FRAS1: variants seen among roughly 807,000 people sequenced by gnomAD.
The protein encoded by FRAS1 is extracellular matrix organizing protein FRAS1.
In FRAS1, 290 loss-of-function variants were observed where a neutral mutation model predicts 435.2. That is an observed-to-expected ratio of 0.67 (90% CI 0.61 to 0.73). The LOEUF (loss-of-function observed/expected upper bound fraction) is 0.73. Among genes scored for constraint, FRAS1 ranks in the 30% least tolerant of loss-of-function variants. FRAS1 has a pLI of 0.00. For missense variants in FRAS1, 4,860 were observed against 5,001.5 expected, an observed-to-expected ratio of 0.97 and a Z score of 0.85; for synonymous variants, 1,800 against 1,851.0, an observed-to-expected ratio of 0.97 and a Z score of 0.71.
At chr4:78,451,161 G>T (rs1050053492) in intron 45 of FRAS1, among the ~76,000 whole-genome samples, 2 of 152,130 alleles carry the variant, frequency 1.3e-5, no homozygotes, top group Non-Finnish European at 2.9e-5. Context: ...TCTTCCCAGA[G>T]ATTTGGTTAT....
chr4:78,381,263 T>A lies in FRAS1; in HGVS notation c.3563+1267T>A, dbSNP rs182153496. On this transcript the variant is annotated intron_variant, in intron 27 of 73. Coordinates refer to ENST00000512123, the MANE Select transcript of FRAS1 (RefSeq NM_025074.7). ...TCTGGTGTTTGATGCCATAGACTCT[T>A]CAAATTCCTACTCTATATTCTGCAT... is the stretch of plus-strand genomic sequence containing the variant. 1.8e-3 allele frequency among the ~76,000 whole-genome samples: 272 copies of A among 152,326 alleles called. 2 individuals carry two copies. The highest frequency in any genetic ancestry group is 6.2e-3 in the African/African-American group (256 of 41,572).
At chr4:78,135,021 G>C (rs1578146104) in intron 2 of FRAS1, among the ~76,000 whole-genome samples, 3 of 151,972 alleles carry the variant, frequency 2.0e-5, no homozygotes, top group Admixed American at 6.6e-5. Flanking sequence ...ATGCTGGTAG[G>C]GTTTAATTGT....
chr4:78,408,998 GCGGGAGGATCACT>G (rs1733212487), intron 31 of FRAS1, among the ~76,000 whole-genome samples: 2 of 147,826 alleles, frequency 1.4e-5, no homozygotes, highest in East Asian at 2.0e-4. Context: ...TGGCAGCTAG[GCGGGAGGATCACT>G]TGAGCCTGGG....
intron 2 of FRAS1, among the ~76,000 whole-genome samples, chr4:78,110,332 A>G (rs1316430212): frequency 7.8e-6 from 1 of 127,566 alleles, no homozygotes; most frequent in East Asian, 2.1e-4. Context: ...GAGGCATCAC[A>G]CTACCTGAGT....
chr4:78,158,999 G>C (rs1212808528), intron 2 of FRAS1, among the ~76,000 whole-genome samples: 1 of 152,148 alleles, frequency 6.6e-6, no homozygotes, highest in Non-Finnish European at 1.5e-5. Context: ...GACAGTAGCA[G>C]GAAATCTTTG....
intron 2 of FRAS1, among the ~76,000 whole-genome samples, chr4:78,069,489 C>A (rs534457504): frequency 1.3e-5 from 2 of 152,278 alleles, no homozygotes; most frequent in East Asian, 3.9e-4. Flanking sequence ...ATGGCCCTGG[C>A]GGTCAGACAC....
chr4:78,517,088 A>T (rs143555132), intron 66 of FRAS1, among the ~76,000 whole-genome samples: 1 of 152,340 alleles, frequency 6.6e-6, no homozygotes, highest in East Asian at 1.9e-4. Context: ...AACTAGTTAG[A>T]TGTTTGTTCT....
chr4:78,471,850 C>A (rs963820956), intron 51 of FRAS1, among the ~76,000 whole-genome samples: 4 of 152,218 alleles, frequency 2.6e-5, no homozygotes, highest in Non-Finnish European at 4.4e-5. Context: ...TGCCTCCAAT[C>A]CATCCTCCTT....
chr4:78,113,684 T>C (rs1249570695), intron 2 of FRAS1, among the ~76,000 whole-genome samples: 3 of 152,222 alleles, frequency 2.0e-5, no homozygotes, highest in Non-Finnish European at 2.9e-5. Flanking sequence ...TGTTTGTTTT[T>C]TTCTTGTAAA....
rs769809389 is a variant in FRAS1, at chr4:78,507,555, A to G, written c.9451A>G (p.Thr3151Ala). 18 of 1,611,018 alleles carry G rather than the reference A, an allele frequency of 1.1e-5. No homozygotes were observed. The South Asian group carries it at 1.9e-4, about 17-fold the overall frequency. The change falls in exon 62 of 74, where the codon ACA (threonine) becomes GCA (alanine). Residue 3151 changes from threonine to alanine, a missense_variant. Physicochemically the swap from Thr to Ala is moderately conservative, Grantham distance 58. Coordinates refer to ENST00000512123, the MANE Select transcript of FRAS1 (RefSeq NM_025074.7). ...TGGGGATGTGACTACTGCCACGGTG[A>G]CAATTCTAGACCAGGAGGCAGCAGG... Reference protein sequence around the residue: ...VLGDVTTATVTILDQEAAGSL... With the variant: ...VLGDVTTATVAILDQEAAGSL...
intron 26 of FRAS1, among the ~76,000 whole-genome samples, chr4:78,377,013 G>A (rs1731792526): frequency 6.6e-6 from 1 of 151,762 alleles, no homozygotes; most frequent in African/African-American, 2.4e-5. Flanking sequence ...AATAATAATA[G>A]GTAACATGTT....
At chr4:78,419,944 T>A (rs999589480) in intron 33 of FRAS1, among the ~76,000 whole-genome samples, 9 of 152,102 alleles carry the variant, frequency 5.9e-5, no homozygotes, top group African/African-American at 1.7e-4. Flanking sequence ...AGGGGGATGG[T>A]GTTAAACCAT....
intron 32 of FRAS1, among the ~76,000 whole-genome samples, chr4:78,417,184 T>C (rs936173637): frequency 1.6e-4 from 24 of 152,202 alleles, no homozygotes; most frequent in Non-Finnish European, 4.4e-5. Flanking sequence ...TCTATTTCTA[T>C]TAGGAGAAAA....
intron 2 of FRAS1, among the ~76,000 whole-genome samples, chr4:78,106,277 G>T: frequency 1.2e-5 from 1 of 85,210 alleles, no homozygotes; most frequent in Non-Finnish European, 2.4e-5. Flanking sequence ...GCCTCTGTAG[G>T]CTCCACCTCT....
intron 29 of FRAS1, among the ~76,000 whole-genome samples, chr4:78,395,467 C>T (rs556217310): frequency 4.6e-5 from 7 of 151,960 alleles, no homozygotes; most frequent in African/African-American, 1.4e-4. Flanking sequence ...TATTGAAGTC[C>T]ACTACCATTA....
At chr4:78,064,325 A>G (rs1739892780) in intron 1 of FRAS1, among the ~76,000 whole-genome samples, 1 of 151,500 alleles carries the variant, frequency 6.6e-6, no homozygotes, top group African/African-American at 2.4e-5. Context: ...TCATATGTAC[A>G]GAAATTTTAA....
chr4:78,408,836 T>C (rs1351898050), intron 31 of FRAS1, among the ~76,000 whole-genome samples: 1 of 152,148 alleles, frequency 6.6e-6, no homozygotes, highest in Non-Finnish European at 1.5e-5. Flanking sequence ...AGAAGTATAC[T>C]GCATAGGCTG....
At chr4:78,207,338 A>G (rs542151411) in intron 2 of FRAS1, among the ~76,000 whole-genome samples, 2 of 152,330 alleles carry the variant, frequency 1.3e-5, no homozygotes, top group South Asian at 4.1e-4. Flanking sequence ...CTAAATTAGA[A>G]CCTGTGATTA....
Position 78,479,427 on chromosome 4 carries a change from A to C in FRAS1, c.8152A>C (p.Met2718Leu). The C allele has an allele frequency of 6.4e-7, 1 of 1,574,116 alleles. No individual in the cohort carries two copies. Residue 2718 changes from methionine (M) to leucine (L), a missense_variant, in exon 56 of 74, where the codon ATG (methionine) becomes CTG (leucine). Transcript: ENST00000512123. ...AICYTVPKSA[M>L]GSSLYALESG... ...TTGCTACACAGTCCCTAAGTCAGCT[A>C]TGGGAAGTAGCCTCTATGCTCTAGA...
Sources: gnomAD v4.1 joint callset for allele counts (sites outside exome capture counted in the v4.1 genomes callset) on GRCh38, gnomAD v4.1.1 for gene constraint, MANE v1.5 for transcripts, NCBI Gene and HGNC (gene_info 2026-07-23, HGNC 2026-07-21) for gene names.